Variants in ARID4A observed in about 807,000 individuals in gnomAD.
The protein encoded by ARID4A is AT-rich interactive domain-containing protein 4A.
Under a neutral mutation model 148.6 loss-of-function variants are expected in ARID4A, and 39 were observed. The observed-to-expected ratio is 0.26, with a 90% CI of 0.20 to 0.34. The LOEUF is 0.34. Ranked by LOEUF, ARID4A falls within the 10% of genes least tolerant of loss-of-function variation. The probability of loss-of-function intolerance (pLI) is 1.00; values close to 1 mark genes in which losing one functional copy is unlikely to be tolerated. For synonymous variants in ARID4A, 475 were observed against 481.2 expected (o/e 0.99, Z 0.17); for missense variants, 1,265 against 1,449.1 (o/e 0.87, Z 2.06).
At chr14:58,315,478 T>A (rs1317525646) in intron 5 of ARID4A, among the ~76,000 whole-genome samples, 2 of 152,208 alleles carry the variant, frequency 1.3e-5, no homozygotes, top group African/African-American at 4.8e-5. Flanking sequence ...ATATAAATTT[T>A]GGAGTGTTGG....
At chr14:58,329,854 A>G (rs1025099441) in intron 10 of ARID4A, 149 bp from the exon 11 acceptor site, 48 of 1,308,782 alleles carry the variant, frequency 3.7e-5, no homozygotes, top group Non-Finnish European at 4.5e-5. Flanking sequence ...ATAACATTAT[A>G]ACTTATGAAA....
rs1244081750 is a variant in ARID4A, at chr14:58,351,139, G to A, written c.1471G>A (p.Asp491Asn). The change falls in exon 16 of 24, where the codon GAC (aspartate) becomes AAC (asparagine). Residue 491 changes from aspartate to asparagine, a missense_variant. By Grantham distance (23) the Asp-to-Asn change is conservative (BLOSUM62 1). Transcript: ENST00000355431. ...KKEIEEEKTE[D>N]KLKDNDTENK... ...GGAAATTGAAGAAGAGAAAACAGAA[G>A]ACAAATTAAAAGATAATGATACAGA... is the stretch of plus-strand genomic sequence containing the variant. The A allele has an allele frequency of 2.5e-6, 4 of 1,606,406 alleles. No individual in the cohort carries two copies. The highest frequency in any genetic ancestry group is 2.5e-6 in the Non-Finnish European group (3 of 1,178,226).
intron 15 of ARID4A, among the ~76,000 whole-genome samples, chr14:58,350,180 G>A (rs1048358137): frequency 8.3e-5 from 8 of 95,850 alleles, no homozygotes; most frequent in Non-Finnish European, 4.6e-5. Context: ...AGATGGAAGT[G>A]CCATCTTGGA....
chr14:58,329,727 T>C, intron 10 of ARID4A, 123 bp downstream of exon 10: 1 of 981,956 alleles, frequency 1.0e-6, no homozygotes, highest in Non-Finnish European at 1.5e-6. Flanking sequence ...ATATCCACTC[T>C]TACTTGATTT....
At chr14:58,369,912 G>A (rs1280715582) in intron 23 of ARID4A, 1 of 152,256 alleles carries the variant, frequency 6.6e-6, no homozygotes, top group Non-Finnish European at 1.5e-5. Flanking sequence ...GAAAGCTCCA[G>A]AAGGGATGTC....
At chr14:58,312,632 C>G (rs1247147577) in intron 5 of ARID4A, among the ~76,000 whole-genome samples, 2 of 152,164 alleles carry the variant, frequency 1.3e-5, no homozygotes, top group Non-Finnish European at 2.9e-5. Flanking sequence ...TTAATCATAA[C>G]TGCTGTACAT....
chr14:58,365,484 T>A, intron 20 of ARID4A, 34 bp from the exon 21 acceptor site: 1 of 1,254,312 alleles, frequency 8.0e-7, no homozygotes, highest in Non-Finnish European at 1.1e-6. Flanking sequence ...TTTTTTTTTT[T>A]TTTTTCAACA....
intron 17 of ARID4A, among the ~76,000 whole-genome samples, chr14:58,354,903 T>G (rs1487760103): frequency 6.6e-6 from 1 of 152,188 alleles, no homozygotes; most frequent in Non-Finnish European, 1.5e-5. Flanking sequence ...ATGTTCCTGT[T>G]TTTTCTGTGT....
At chr14:58,313,739 GA>G (rs2032213626) in intron 5 of ARID4A, among the ~76,000 whole-genome samples, 1 of 152,234 alleles carries the variant, frequency 6.6e-6, no homozygotes, top group African/African-American at 2.4e-5. Context: ...GCCTTGAGAA[GA>G]TCTGAGGGAC....
intron 11 of ARID4A, among the ~76,000 whole-genome samples, chr14:58,332,008 C>G (rs868159767): frequency 2.0e-5 from 2 of 98,906 alleles, no homozygotes; most frequent in African/African-American, 3.8e-5. Flanking sequence ...CCCCCCCCCC[C>G]AAAAAACCCT....
At chr14:58,340,125 A>T (rs561337790) in intron 11 of ARID4A, among the ~76,000 whole-genome samples, 17 of 152,284 alleles carry the variant, frequency 1.1e-4, no homozygotes, top group Admixed American at 2.0e-4. Flanking sequence ...CCATTTCCAA[A>T]TGAATAATCG....
intron 10 of ARID4A, 130 bp downstream of exon 10, chr14:58,329,734 AT>A (rs1039810772): frequency 8.1e-4 from 747 of 923,108 alleles, no homozygotes; most frequent in Non-Finnish European, 9.7e-4. Context: ...CTCTTACTTG[AT>A]TTTTTTTTAA....
intron 5 of ARID4A, among the ~76,000 whole-genome samples, chr14:58,318,080 G>T (rs2032591444): frequency 6.6e-6 from 1 of 152,118 alleles, no homozygotes; most frequent in Non-Finnish European, 1.5e-5. Flanking sequence ...TGTGTAGTAG[G>T]TTATCATGCA....
rs541055569 is a variant in ARID4A at position 58,313,732 on chromosome 14, T to A, written c.275-4810T>A. ...TAATTCTTAGTCCCAGGCCAAAGCC[T>A]TGAGAAGATCTGAGGGACTGCTGGT... On this transcript the variant is annotated intron_variant, in intron 5 of 23. Transcript: ENST00000355431. Among the ~76,000 whole-genome samples the A allele has an allele frequency of 2.0e-5, 3 of 152,310 alleles. No individual in the cohort carries two copies. The South Asian group carries it at 6.2e-4, about 32-fold the overall frequency.
chr14:58,319,948 CTTTTT>C (rs1011938946), intron 7 of ARID4A, among the ~76,000 whole-genome samples: 3 of 127,194 alleles, frequency 2.4e-5, no homozygotes, highest in African/African-American at 2.8e-5. Flanking sequence ...TTTTTCTTTT[CTTTTT>C]TTTTTTTTTT....
At position 58,351,007 on chromosome 14, in the gene ARID4A, T is replaced by TA. The variant is rs2034613698; in HGVS notation, c.1405-65dup. On this transcript the variant is annotated intron_variant, in intron 15 of 23. Transcript: ENST00000355431. ...TTGCTATGAAGGTTAAAGGAAAAGA[T>TA]ATTTTTTCCTGCTTTTTTCCCCTTT... The TA allele has an allele frequency of 2.0e-6, 3 of 1,481,120 alleles. No individual in the cohort carries two copies. In the Admixed American group the frequency reaches 7.3e-5, roughly 36 times the overall value. The allele number at this position is 1,481,120 out of a possible 1,614,324, so 91.7% of individuals were successfully genotyped here.
intron 7 of ARID4A, among the ~76,000 whole-genome samples, chr14:58,319,868 C>G (rs1340759432): frequency 1.3e-5 from 2 of 151,128 alleles, no homozygotes; most frequent in African/African-American, 4.9e-5. Flanking sequence ...TACTCTTTAT[C>G]TAGATTTACC....
At chr14:58,331,368 T>G (rs550241762) in intron 11 of ARID4A, 2 of 152,332 alleles carry the variant, frequency 1.3e-5, no homozygotes, top group South Asian at 4.1e-4. Context: ...TGGAAGAGAA[T>G]GTAAGTAGTG....
In ARID4A at chr14:58,372,585, A is replaced by G. The variant is rs2140285241; in HGVS notation, c.*596A>G. ...TAGTTGACTGAAAACTACAGTTGTA[A>G]TAAGTCTTCCACTTTTTATAGGATT... On this transcript the variant is annotated 3_prime_UTR_variant, in exon 24 of 24. Coordinates refer to ENST00000355431, the MANE Select transcript of ARID4A (RefSeq NM_002892.4). 4.8e-6 allele frequency: 1 copy of G among 206,868 alleles called. No homozygotes were observed. Among genetic ancestry groups the G allele is most frequent in the African/African-American group, 2.3e-5 (1 of 44,068 alleles). The allele number at this position is 206,868 out of a possible 1,614,324, so 12.8% of individuals were successfully genotyped here. A position where few individuals can be genotyped will look rare whatever the true frequency, so the allele number is the denominator to read the frequency against.
Sources: allele counts gnomAD v4.1 joint callset (sites outside exome capture counted in the v4.1 genomes callset), GRCh38; gene constraint gnomAD v4.1.1; transcripts MANE v1.5; gene names NCBI Gene and HGNC (gene_info 2026-07-23, HGNC 2026-07-21).